Variants in DMD observed in about 807,000 individuals in gnomAD.
The protein encoded by DMD is mutant dystrophin.
A neutral mutation model predicts 330.1 loss-of-function variants in DMD; 63 were observed. The observed-to-expected ratio is 0.19, with a 90% CI of 0.16 to 0.24. The LOEUF is 0.24. Among genes scored for constraint, DMD ranks in the 10% least tolerant of loss-of-function variants. The pLI is 1.00. For missense variants in DMD, 3,344 were observed against 2,684.1 expected (o/e 1.25, Z -5.43); for synonymous variants, 1,223 against 959.8 (o/e 1.27, Z -5.07).
chrX:31,454,315 T>A (rs1347324759), intron 59 of DMD, among the ~76,000 whole-genome samples: 2 of 111,577 alleles, frequency 1.8e-5, no homozygotes, highest in African/African-American at 6.5e-5. Flanking sequence ...CTAATTTTTC[T>A]ATTTTTACTA....
chrX:32,492,923 C>T (rs1024933349), intron 19 of DMD, among the ~76,000 whole-genome samples: 1 of 107,791 alleles, frequency 9.3e-6, no homozygotes. Context: ...GGTTAAAATA[C>T]CTAAAAGTTC....
At chrX:31,883,879 G>A (rs1158665675) in intron 47 of DMD, among the ~76,000 whole-genome samples, 1 of 96,650 alleles carries the variant, frequency 1.0e-5, no homozygotes, top group East Asian at 4.1e-4. Flanking sequence ...TGGCTAACAA[G>A]CATATGAAAA....
intron 41 of DMD, among the ~76,000 whole-genome samples, chrX:32,337,666 G>C (rs769891178): frequency 9.1e-6 from 1 of 110,104 alleles, no homozygotes; most frequent in African/African-American, 3.3e-5. Context: ...CCATTATCTC[G>C]AATAAGTCTT....
At chrX:33,117,533 C>A (rs1210494321) in intron 1 of DMD, among the ~76,000 whole-genome samples, 3 of 111,356 alleles carry the variant, frequency 2.7e-5, no homozygotes, top group Non-Finnish European at 5.6e-5. Flanking sequence ...GGAAAAGGTA[C>A]CTCATATTTA....
chrX:31,249,618 T>C (rs1049649547), intron 63 of DMD, among the ~76,000 whole-genome samples: 7 of 111,326 alleles, frequency 6.3e-5, no homozygotes, highest in African/African-American at 9.8e-5. Context: ...AGTACGTGTA[T>C]GCTTTCCAAA....
chrX:32,356,379 T>TATA (rs1557298930), intron 37 of DMD, among the ~76,000 whole-genome samples: 18 of 52,728 alleles, frequency 3.4e-4, no homozygotes, highest in African/African-American at 1.2e-3. Context: ...TGAATGGAAG[T>TATA]AAAAAAAAAA....
intron 59 of DMD, 86 bp from the exon 60 acceptor site, chrX:31,444,713 G>A: frequency 1.0e-6 from 1 of 994,500 alleles, no homozygotes; most frequent in Non-Finnish European, 1.4e-6. Context: ...TCTTTAGGGT[G>A]CAGTGCCAGT....
At chrX:31,552,726 G>T (rs1256143861) in intron 55 of DMD, among the ~76,000 whole-genome samples, 2 of 111,439 alleles carry the variant, frequency 1.8e-5, no homozygotes, top group African/African-American at 6.5e-5. Flanking sequence ...AAGATTCCGG[G>T]CTTTAAAGTC....
intron 52 of DMD, among the ~76,000 whole-genome samples, chrX:31,695,154 GA>G (rs1345649726): frequency 4.5e-5 from 5 of 111,338 alleles, no homozygotes; most frequent in Non-Finnish European, 7.6e-5. Context: ...TACATTAAAT[GA>G]AATAAGCCAG....
intron 44 of DMD, among the ~76,000 whole-genome samples, chrX:32,123,131 T>C (rs913913239): frequency 3.0e-5 from 3 of 98,968 alleles, no homozygotes; most frequent in African/African-American, 1.1e-4. Flanking sequence ...TCATCTTGTA[T>C]ACATACATAC....
chrX:32,959,267 T>A (rs1340080583), intron 2 of DMD, among the ~76,000 whole-genome samples: 4 of 111,314 alleles, frequency 3.6e-5, no homozygotes, highest in Admixed American at 1.9e-4. Flanking sequence ...GAGCATTCAG[T>A]GCGCAAAGTA....
chrX:32,255,834 C>T (rs1292456845), intron 43 of DMD, among the ~76,000 whole-genome samples: 1 of 111,611 alleles, frequency 9.0e-6, no homozygotes, highest in Non-Finnish European at 1.9e-5. Context: ...GATATACTTT[C>T]CCTATATCAA....
At chrX:32,511,910 T>C in intron 18 of DMD, among the ~76,000 whole-genome samples, 1 of 111,891 alleles carries the variant, frequency 8.9e-6, no homozygotes, top group Non-Finnish European at 1.9e-5. Context: ...ACTACTCGGA[T>C]TCTAAATTAT....
chrX:31,289,517 A>G (rs2053528501), intron 62 of DMD, among the ~76,000 whole-genome samples: 1 of 110,844 alleles, frequency 9.0e-6, no homozygotes, highest in Non-Finnish European at 1.9e-5. Flanking sequence ...ACAGCAAAAT[A>G]TAAGACCAGG....
intron 2 of DMD, among the ~76,000 whole-genome samples, chrX:32,866,734 TG>T (rs757998939): frequency 6.5e-4 from 4 of 6,109 alleles, no homozygotes; most frequent in African/African-American, 1.6e-3. Flanking sequence ...TGGGGGGGGG[TG>T]GGGGGGTGGG....
chrX:32,058,465 C>A (rs774940571), intron 44 of DMD, among the ~76,000 whole-genome samples: 1 of 108,023 alleles, frequency 9.3e-6, no homozygotes, highest in East Asian at 2.9e-4. Context: ...ATTAAAATGA[C>A]CAACAGTTAT....
At position 32,247,095 on chromosome X, in the gene DMD, T is replaced by C. The variant is rs779427700; in HGVS notation, c.6291-30032A>G. On this transcript the variant is annotated intron_variant, in intron 43 of 78. Coordinates refer to ENST00000357033, the MANE Select transcript of DMD (RefSeq NM_004006.3). ...AAAACGATTGTCAAAGAAAGAGGTA[T>C]TACTGTAATTCTGATTTTAAAATTT... is the stretch of plus-strand genomic sequence containing the variant. Among the ~76,000 whole-genome samples, 23 of 112,095 alleles carry C rather than the reference T, an allele frequency of 2.1e-4. 1 individual carries two copies. The highest frequency in any genetic ancestry group is 7.5e-5 in the Non-Finnish European group (4 of 53,157).
At chrX:33,062,507 C>T (rs2094593744) in intron 1 of DMD, among the ~76,000 whole-genome samples, 1 of 112,183 alleles carries the variant, frequency 8.9e-6, no homozygotes, top group Non-Finnish European at 1.9e-5. Flanking sequence ...GATGGAGTCT[C>T]GTTCTGTTGC....
At chrX:32,318,897 A>G (rs1217296317) in intron 41 of DMD, among the ~76,000 whole-genome samples, 1 of 111,311 alleles carries the variant, frequency 9.0e-6, no homozygotes, top group African/African-American at 3.3e-5. Context: ...CTAGAAGGCC[A>G]GGTATAAATA....
Sources: gnomAD v4.1 joint callset for allele counts (sites outside exome capture counted in the v4.1 genomes callset) on GRCh38, gnomAD v4.1.1 for gene constraint, MANE v1.5 for transcripts, NCBI Gene and HGNC (gene_info 2026-07-23, HGNC 2026-07-21) for gene names.